PCDHGA8: variants seen among roughly 807,000 people sequenced by gnomAD.
PCDHGA8 encodes protocadherin gamma subfamily A, 8.
A neutral mutation model predicts 59.2 loss-of-function variants in PCDHGA8; 45 were observed. The ratio of observed to expected loss-of-function variants is 0.76; its 90% CI spans 0.60 to 0.98. The LOEUF (loss-of-function observed/expected upper bound fraction) is 0.98. Among genes scored for constraint, PCDHGA8 ranks in the 50% least tolerant of loss-of-function variants. The pLI is 0.00. For synonymous variants in PCDHGA8, 531 were observed against 519.0 expected (o/e 1.02, Z -0.32); for missense variants, 1,257 against 1,196.2 (o/e 1.05, Z -0.75).
At chr5:141,422,606 C>T in intron 1 of PCDHGA8, 1 of 1,613,904 alleles carries the variant, frequency 6.2e-7, no homozygotes, top group Non-Finnish European at 8.5e-7. Flanking sequence ...TCTTACTCTG[C>T]CTACATTCCC....
chr5:141,393,682 C>T lies in PCDHGA8; in HGVS notation c.869C>T (p.Pro290Leu), dbSNP rs756181553. Residue 290 changes from proline (P) to leucine (L), a missense_variant, in exon 1 of 4, where the codon CCG becomes CTG. Physicochemically the swap from Pro to Leu is moderately conservative, Grantham distance 98. Coordinates refer to ENST00000398604, the MANE Select transcript of PCDHGA8 (RefSeq NM_032088.2). ...KFRKINEKQT[P>L]LFQLNENTGE... ...CGGAAAATTAATGAAAAACAAACTC[C>T]GTTATTCCAGCTTAATGAAAATACT... 1.1e-5 allele frequency: 18 copies of T among 1,613,870 alleles called. No individual in the cohort carries two copies. The highest frequency in any genetic ancestry group is 1.3e-5 in the Non-Finnish European group (15 of 1,179,900).
chr5:141,497,240 GA>G (rs1221446648), intron 2 of PCDHGA8, among the ~76,000 whole-genome samples: 125 of 152,188 alleles, frequency 8.2e-4, no homozygotes, highest in African/African-American at 3.0e-3. Flanking sequence ...AGGCTTCTAG[GA>G]GGAGGTGACA....
intron 1 of PCDHGA8, chr5:141,419,581 C>T: frequency 6.2e-7 from 1 of 1,611,888 alleles, no homozygotes; most frequent in South Asian, 1.1e-5. Context: ...GCTCCGCGCT[C>T]TTCGACACAG....
Position 141,393,348 on chromosome 5 carries a change from T to G in PCDHGA8, c.535T>G (p.Ser179Ala). 1 of 1,613,848 alleles carries G rather than the reference T, an allele frequency of 6.2e-7. No individual in the cohort carries two copies. Among genetic ancestry groups the G allele is most frequent in the Non-Finnish European group, 8.5e-7 (1 of 1,179,844 alleles). Reference protein sequence around the residue: ...SYQLSPNHHFSLDVQTGDNGA... With the variant: ...SYQLSPNHHFALDVQTGDNGA... ...CCAGCTCAGCCCCAATCACCACTTC[T>G]CCCTGGACGTGCAGACTGGAGACAA... Residue 179 changes from serine to alanine, a missense_variant, in exon 1 of 4, where the codon TCC becomes GCC. Transcript: ENST00000398604.
chr5:141,494,784 C>T, intron 1 of PCDHGA8, 23 bp from the exon 2 acceptor site: 1 of 1,614,110 alleles, frequency 6.2e-7, no homozygotes, highest in Non-Finnish European at 8.5e-7. Flanking sequence ...TACTCAGCCC[C>T]TTTCCCTCTG....
At chr5:141,428,136 G>A in intron 1 of PCDHGA8, 2 of 1,600,778 alleles carry the variant, frequency 1.2e-6, no homozygotes, top group South Asian at 1.1e-5. Flanking sequence ...TTTCAGCCTG[G>A]GGCTGCACAC....
intron 1 of PCDHGA8, chr5:141,403,058 C>T (rs1264463559): frequency 1.9e-6 from 3 of 1,613,942 alleles, no homozygotes; most frequent in African/African-American, 2.7e-5. Context: ...CTACTCAGTG[C>T]CTGAAGAGAC....
At position 141,477,379 on chromosome 5, in the gene PCDHGA8, A is replaced by T; in HGVS notation, c.2425-17428A>T. Reference sequence around the variant, plus strand: ...CAGACCTGGATCGGGAGACTGTGCCAGAATACAACCTCAGCATCACCGCCC... The same window carrying T: ...CAGACCTGGATCGGGAGACTGTGCCTGAATACAACCTCAGCATCACCGCCC... On this transcript the variant is annotated intron_variant, in intron 1 of 3. Transcript: ENST00000398604. The surrounding 1 kb of genome is among the most constrained non-coding windows in gnomAD (Gnocchi z 4.9). 1.2e-6 allele frequency: 2 copies of T among 1,614,184 alleles called. No individual in the cohort carries two copies. The highest frequency in any genetic ancestry group is 1.7e-6 in the Non-Finnish European group (2 of 1,180,034).
chr5:141,430,258 A>T (rs542653323), intron 1 of PCDHGA8, among the ~76,000 whole-genome samples: 1 of 147,968 alleles, frequency 6.8e-6, no homozygotes, highest in Non-Finnish European at 1.5e-5. Flanking sequence ...AGACATCTCC[A>T]TAATAGGTGT....
At chr5:141,484,155 T>G (rs2099592564) in intron 1 of PCDHGA8, among the ~76,000 whole-genome samples, 1 of 152,224 alleles carries the variant, frequency 6.6e-6, no homozygotes, top group Non-Finnish European at 1.5e-5. Context: ...GTAGGCACAA[T>G]GCTGTTGGTA....
In PCDHGA8 at chr5:141,410,110, C is replaced by G. The variant is rs1361292941; in HGVS notation, c.2424+14873C>G. The G allele has an allele frequency of 6.8e-6, 11 of 1,612,422 alleles. No homozygotes were observed. In the African/African-American group the frequency reaches 1.3e-4, roughly 20 times the overall value. ...CGGCTCGAGCCTTAGGCGACAGGGA[C>G]GCAGCCCGCCAGCGCCTGCTGGTCG... is the stretch of plus-strand genomic sequence containing the variant. On this transcript the variant is annotated intron_variant, in intron 1 of 3. Coordinates refer to ENST00000398604, the MANE Select transcript of PCDHGA8 (RefSeq NM_032088.2).
intron 1 of PCDHGA8, chr5:141,398,657 GT>G: frequency 6.2e-7 from 1 of 1,614,018 alleles, no homozygotes; most frequent in South Asian, 1.1e-5. Context: ...CTTAACCCAA[GT>G]TTCTCATTAA....
At position 141,485,677 on chromosome 5, in the gene PCDHGA8, C is replaced by T. The variant is rs757797282; in HGVS notation, c.2425-9130C>T. ...CAGATGTGGGGAGCAATTCGATTAG[C>T]AGCTATAGGCTGAGCTCCAATGAAC... On this transcript the variant is annotated intron_variant, in intron 1 of 3. Transcript: ENST00000398604. This position sits in a 1 kb window ranked among gnomAD's most constrained non-coding sequence, Gnocchi z 5.7. 2.4e-5 allele frequency: 38 copies of T among 1,612,714 alleles called. No individual in the cohort carries two copies. In the East Asian group the frequency reaches 7.8e-4, roughly 33 times the overall value.
In PCDHGA8 at chr5:141,392,907, C is replaced by T. The variant is rs746317747; in HGVS notation, c.94C>T (p.Arg32Cys). The T allele has an allele frequency of 5.6e-6, 9 of 1,613,824 alleles. No homozygotes were observed. In the East Asian group the frequency reaches 1.8e-4, roughly 32 times the overall value. The change falls in exon 1 of 4, where the codon CGC becomes TGC. Residue 32 changes from arginine to cysteine, a missense_variant. Arg to Cys is a radical substitution (Grantham distance 180). Coordinates refer to ENST00000398604, the MANE Select transcript of PCDHGA8 (RefSeq NM_032088.2). Reference sequence around the variant, plus strand: ...GTGGGAAATCGGGAGGGGACAGATTCGCTACTCTGTGCCAGAAGAGACGGA... The same window carrying T: ...GTGGGAAATCGGGAGGGGACAGATTTGCTACTCTGTGCCAGAAGAGACGGA... ...TLWEIGRGQI[R>C]YSVPEETDKG...
intron 1 of PCDHGA8, chr5:141,418,211 C>T (rs752988020): frequency 1.2e-6 from 2 of 1,613,916 alleles, no homozygotes; most frequent in East Asian, 4.5e-5. Context: ...AAATATTTTT[C>T]ATGTCATTGT....
Position 141,512,495 on chromosome 5 carries a change from C to T in PCDHGA8, c.*1322C>T, listed in dbSNP as rs2099884264. 1 of 152,920 alleles carries T rather than the reference C, an allele frequency of 6.5e-6. No homozygotes were observed. The highest frequency in any genetic ancestry group is 1.5e-5 in the Non-Finnish European group (1 of 68,240). The allele number at this position is 152,920 out of a possible 1,614,324, so 9.5% of individuals were successfully genotyped here. A position where few individuals can be genotyped will look rare whatever the true frequency, so the allele number is the denominator to read the frequency against. On this transcript the variant is annotated 3_prime_UTR_variant, in exon 4 of 4. Coordinates refer to ENST00000398604, the MANE Select transcript of PCDHGA8 (RefSeq NM_032088.2). ...TTCCGTGAAGGCCACTGCCCAGGTCCCCAGTGCGCCCCCTAGTGGCCATAG... is the reference window on the plus strand; with the variant it reads ...TTCCGTGAAGGCCACTGCCCAGGTCTCCAGTGCGCCCCCTAGTGGCCATAG...
At chr5:141,496,583 C>A (rs990137003) in intron 2 of PCDHGA8, among the ~76,000 whole-genome samples, 1 of 152,168 alleles carries the variant, frequency 6.6e-6, no homozygotes, top group African/African-American at 2.4e-5. Flanking sequence ...TTTAGGAACG[C>A]AAAGCGCTTC....
rs759346998 is a variant in PCDHGA8 at position 141,410,849 on chromosome 5, CTTTTT to C, written c.2424+15630_2424+15634del. On this transcript the variant is annotated intron_variant, in intron 1 of 3. Transcript: ENST00000398604. ...CAGACTGAAGATATTTTGTCTTTGT[CTTTTT>C]TTTTTTTTTTTTTTTTTGAGATGGA... 1.3e-3 allele frequency: 178 copies of C among 137,948 alleles called. 1 individual carries two copies. Among genetic ancestry groups the C allele is most frequent in the East Asian group, 2.3e-3 (10 of 4,422 alleles). 8.5% of individuals were successfully genotyped at this position (137,948 alleles called of 1,614,324 possible). A position where few individuals can be genotyped will look rare whatever the true frequency, so the allele number is the denominator to read the frequency against.
rs746838072 is a variant in PCDHGA8 at position 141,486,116 on chromosome 5, T to A, written c.2425-8691T>A. ...GCCCCTAGACTTTGAGAGTGAGAATTACTATGAATTTGATGTGCGGGCTCG... is the reference window on the plus strand; with the variant it reads ...GCCCCTAGACTTTGAGAGTGAGAATAACTATGAATTTGATGTGCGGGCTCG... On this transcript the variant is annotated intron_variant, in intron 1 of 3. Coordinates refer to ENST00000398604, the MANE Select transcript of PCDHGA8 (RefSeq NM_032088.2). This position sits in a 1 kb window ranked among gnomAD's most constrained non-coding sequence, Gnocchi z 5.0. 1.1e-5 allele frequency: 17 copies of A among 1,613,638 alleles called. No homozygotes were observed. Among genetic ancestry groups the A allele is most frequent in the Non-Finnish European group, 1.4e-5 (17 of 1,179,610 alleles).
Sources: gnomAD v4.1 joint callset for allele counts (sites outside exome capture counted in the v4.1 genomes callset) on GRCh38, gnomAD v4.1.1 for gene constraint, Gnocchi (gnomAD v3.1) non-coding constraint, MANE v1.5 for transcripts, NCBI Gene and HGNC (gene_info 2026-07-23, HGNC 2026-07-21) for gene names.